SPOCK3: variants seen among roughly 807,000 people sequenced by gnomAD.
SPOCK3 encodes testican-3.
Under a neutral mutation model 56.6 loss-of-function variants are expected in SPOCK3, and 30 were observed. The ratio of observed to expected loss-of-function variants is 0.53; its 90% CI spans 0.40 to 0.72. SPOCK3 has a LOEUF of 0.72. Among genes scored for constraint, SPOCK3 ranks in the 30% least tolerant of loss-of-function variants. The pLI, the probability that SPOCK3 is intolerant of heterozygous loss-of-function variation, is 0.00. For synonymous variants in SPOCK3, 196 were observed against 183.3 expected, an observed-to-expected ratio of 1.07 and a Z score of -0.56; for missense variants, 527 against 530.0, an observed-to-expected ratio of 0.99 and a Z score of 0.06.
chr4:166,779,719 T>G (rs1050043555), intron 7 of SPOCK3, among the ~76,000 whole-genome samples: 3 of 152,130 alleles, frequency 2.0e-5, no homozygotes, highest in Non-Finnish European at 4.4e-5. Flanking sequence ...GAAGAAATAA[T>G]GGCAGAAAAT....
rs28418665 is a variant in SPOCK3 at position 166,885,605 on chromosome 4, C to T, written c.589+3525G>A. Among the ~76,000 whole-genome samples, 784 of 152,130 alleles carry T rather than the reference C, an allele frequency of 5.2e-3. 10 individuals carry two copies. Among genetic ancestry groups the T allele is most frequent in the African/African-American group, 0.018 (751 of 41,504 alleles). ...CTTTTCTACTTCCTCCTTTTTTACC[C>T]AGCTTCACCTGTTACTTTTTAAAAT... On this transcript the variant is annotated intron_variant, in intron 6 of 10. Coordinates refer to ENST00000357545, the MANE Select transcript of SPOCK3 (RefSeq NM_001040159.2).
intron 6 of SPOCK3, among the ~76,000 whole-genome samples, chr4:166,859,131 T>C (rs1340096046): frequency 1.3e-5 from 2 of 152,164 alleles, no homozygotes; most frequent in Admixed American, 6.5e-5. Context: ...CTGTACAAGT[T>C]TGTAGCCTAG....
At chr4:167,110,617 C>T (rs115120874) in intron 2 of SPOCK3, among the ~76,000 whole-genome samples, 26 of 152,014 alleles carry the variant, frequency 1.7e-4, no homozygotes, top group African/African-American at 6.3e-4. Context: ...CCTTCATTTG[C>T]GTTCTATTTA....
intron 2 of SPOCK3, among the ~76,000 whole-genome samples, chr4:167,180,329 T>A (rs1731342615): frequency 6.6e-6 from 1 of 152,192 alleles, no homozygotes; most frequent in Admixed American, 6.5e-5. Flanking sequence ...AAGTTGTACT[T>A]AGCAGCAGGA....
At chr4:166,914,139 A>G (rs1737585183) in intron 4 of SPOCK3, among the ~76,000 whole-genome samples, 1 of 152,118 alleles carries the variant, frequency 6.6e-6, no homozygotes, top group Admixed American at 6.6e-5. Flanking sequence ...ATTACGCAAC[A>G]ATTATTTGCT....
chr4:166,794,717 A>C (rs1419299012), intron 6 of SPOCK3, among the ~76,000 whole-genome samples: 1 of 140,246 alleles, frequency 7.1e-6, no homozygotes, highest in African/African-American at 2.7e-5. Context: ...GTCTCGGCTC[A>C]CTGCAACCTC....
intron 4 of SPOCK3, among the ~76,000 whole-genome samples, chr4:166,921,671 A>G (rs1216148897): frequency 6.6e-6 from 1 of 152,160 alleles, no homozygotes; most frequent in Non-Finnish European, 1.5e-5. Context: ...CTAGCCAAGG[A>G]ACTGTTCTCC....
chr4:166,857,074 T>TA (rs1266393787), intron 6 of SPOCK3, among the ~76,000 whole-genome samples: 14 of 152,202 alleles, frequency 9.2e-5, no homozygotes, highest in African/African-American at 3.4e-4. Context: ...TAAAATGAGT[T>TA]ACTCAGAGAC....
At chr4:167,140,568 G>C (rs1234601083) in intron 2 of SPOCK3, among the ~76,000 whole-genome samples, 1 of 151,888 alleles carries the variant, frequency 6.6e-6, no homozygotes, top group Non-Finnish European at 1.5e-5. Flanking sequence ...CCATTAACCA[G>C]GAAACATTAA....
intron 2 of SPOCK3, among the ~76,000 whole-genome samples, chr4:167,092,961 C>T (rs1459482164): frequency 6.6e-6 from 1 of 151,886 alleles, no homozygotes. Flanking sequence ...TTTCCTTTTG[C>T]CAAATACTTT....
At chr4:167,125,990 C>T (rs866437896) in intron 2 of SPOCK3, among the ~76,000 whole-genome samples, 22 of 152,272 alleles carry the variant, frequency 1.4e-4, no homozygotes, top group Middle Eastern at 3.4e-3. Flanking sequence ...AAGTTACACA[C>T]TTTATTTTTA....
chr4:166,928,613 T>C (rs572200142), intron 4 of SPOCK3, among the ~76,000 whole-genome samples: 86 of 152,264 alleles, frequency 5.6e-4, no homozygotes, highest in African/African-American at 1.9e-3. Context: ...GGTAGATACA[T>C]GTCATTTTAA....
rs1299733305 is a variant in SPOCK3, at chr4:167,194,275, T to C, written c.189+39710A>G. On this transcript the variant is annotated intron_variant, in intron 2 of 10. Transcript: ENST00000357545. ...TGGTTCTTTCTTACACTTTCTATTT[T>C]TGTATGAGACTTCTTATTTTGTTCA... 4.7e-5 allele frequency among the ~76,000 whole-genome samples: 7 copies of C among 148,924 alleles called. 2 individuals are homozygous for C. The highest frequency in any genetic ancestry group is 8.9e-5 in the Non-Finnish European group (6 of 67,602).
chr4:167,065,056 A>AAAAAAAAAAAAAAAAAAAAAAAC (rs1755990539), intron 2 of SPOCK3, among the ~76,000 whole-genome samples: 1 of 142,820 alleles, frequency 7.0e-6, no homozygotes, highest in African/African-American at 2.5e-5. Flanking sequence ...AAAAAAAAAA[A>AAAAAAAAAAAAAAAAAAAAAAAC]AAAAGTCAAA....
chr4:167,198,220 A>G (rs542239330), intron 2 of SPOCK3, among the ~76,000 whole-genome samples: 14 of 152,144 alleles, frequency 9.2e-5, no homozygotes, highest in Non-Finnish European at 1.9e-4. Flanking sequence ...TGTTATTAAT[A>G]CTATCATAAA....
rs76275247 is a variant in SPOCK3, at chr4:166,968,882, A to G, written c.350+31467T>C. 5.6e-3 allele frequency among the ~76,000 whole-genome samples: 856 copies of G among 152,290 alleles called. 8 individuals carry two copies. The highest frequency in any genetic ancestry group is 0.017 in the African/African-American group (699 of 41,566). ...ACCTAGAAAAGCTGCAACACTCAAC[A>G]TCAGCCCATTAAAGAAGCCAAGGAG... On this transcript the variant is annotated intron_variant, in intron 4 of 10. Coordinates refer to ENST00000357545, the MANE Select transcript of SPOCK3 (RefSeq NM_001040159.2).
intron 2 of SPOCK3, among the ~76,000 whole-genome samples, chr4:167,149,856 T>C (rs369214747): frequency 1.5e-4 from 16 of 105,554 alleles, no homozygotes; most frequent in East Asian, 5.9e-4. Flanking sequence ...TATATATATA[T>C]ACACACACAT....
intron 6 of SPOCK3, among the ~76,000 whole-genome samples, chr4:166,795,697 AG>A (rs1359417294): frequency 1.3e-5 from 2 of 151,858 alleles, no homozygotes; most frequent in African/African-American, 2.4e-5. Flanking sequence ...TAATAAATGA[AG>A]TATTTATTAA....
chr4:166,880,830 C>T (rs1579520723), intron 6 of SPOCK3, among the ~76,000 whole-genome samples: 1 of 152,140 alleles, frequency 6.6e-6, no homozygotes, highest in African/African-American at 2.4e-5. Context: ...TTCCTAACTG[C>T]TCATGCTCCT....
Sources: allele counts gnomAD v4.1 joint callset (sites outside exome capture counted in the v4.1 genomes callset), GRCh38; gene constraint gnomAD v4.1.1; transcripts MANE v1.5; gene names NCBI Gene and HGNC (gene_info 2026-07-23, HGNC 2026-07-21).